The following TOR3A variants were observed in gnomAD, a reference collection of about 807,000 sequenced individuals.
TOR3A encodes torsin-3A.
In TOR3A, 44 loss-of-function variants were observed where a neutral mutation model predicts 42.1. The observed-to-expected ratio is 1.04, with a 90% CI of 0.82 to 1.34. The LOEUF (loss-of-function observed/expected upper bound fraction) is 1.34. TOR3A is among the 40% of genes most tolerant of loss of function. The probability of loss-of-function intolerance (pLI) is 0.00; values close to 1 mark genes in which losing one functional copy is unlikely to be tolerated. For synonymous variants in TOR3A, 227 were observed against 213.2 expected, an observed-to-expected ratio of 1.06 and a Z score of -0.57; for missense variants, 521 against 507.6, an observed-to-expected ratio of 1.03 and a Z score of -0.25.
At chr1:179,093,312 T>C (rs929382135) in intron 4 of TOR3A, among the ~76,000 whole-genome samples, 5 of 152,144 alleles carry the variant, frequency 3.3e-5, no homozygotes, top group Non-Finnish European at 7.3e-5. Context: ...CCCAGTGATA[T>C]CACAACCTGA....
At chr1:179,094,031 G>C in intron 4 of TOR3A, 62 bp from the exon 5 acceptor site, 1 of 1,574,580 alleles carries the variant, frequency 6.4e-7, no homozygotes, top group South Asian at 1.2e-5. Context: ...TTTCAGCGGT[G>C]AGATAACATA....
In TOR3A at chr1:179,085,877, A is replaced by G; in HGVS notation, c.623A>G (p.Tyr208Cys). 1 of 1,613,916 alleles carries G rather than the reference A, an allele frequency of 6.2e-7. No individual in the cohort carries two copies. The highest frequency in any genetic ancestry group is 1.7e-4 in the Middle Eastern group (1 of 6,054). ...ACGTTCCACTTTCCTCACCCCAAAT[A>G]TGTGGACCTGTACAAGGTGAGGCCG... Reference protein sequence around the residue: ...IATFHFPHPKYVDLYKEQLMS... With the variant: ...IATFHFPHPKCVDLYKEQLMS... Residue 208 changes from tyrosine (Y) to cysteine (C), a missense_variant, in exon 3 of 6, where the codon TAT becomes TGT. Tyr to Cys is a radical substitution (Grantham distance 194, BLOSUM62 -2). Coordinates refer to ENST00000367627, the MANE Select transcript of TOR3A (RefSeq NM_022371.4).
chr1:179,083,753 G>A lies in TOR3A; in HGVS notation c.373+700G>A, dbSNP rs1008268625. Among the ~76,000 whole-genome samples the A allele has an allele frequency of 4.6e-5, 7 of 151,992 alleles. 1 individual carries two copies. Among genetic ancestry groups the A allele is most frequent in the Non-Finnish European group, 8.8e-5 (6 of 67,990 alleles). ...GTTTGGGTTGCTTGATTTGCATATC[G>A]CAGTTGATTTGCATTTTCACTCTCA... On this transcript the variant is annotated intron_variant, in intron 2 of 5. Transcript: ENST00000367627.
rs1652304086 is a variant in TOR3A at position 179,082,184 on chromosome 1, G to A, written c.56G>A (p.Gly19Asp). 1.3e-6 allele frequency: 2 copies of A among 1,505,686 alleles called. No individual in the cohort carries two copies. Among genetic ancestry groups the A allele is most frequent in the African/African-American group, 1.4e-5 (1 of 69,020 alleles). The allele number at this position is 1,505,686 out of a possible 1,614,324, so 93.3% of individuals were successfully genotyped here. The change falls in exon 1 of 6, where the codon GGC becomes GAC. Residue 19 changes from glycine to aspartate, a missense_variant. Coordinates refer to ENST00000367627, the MANE Select transcript of TOR3A (RefSeq NM_022371.4). ...CTCTTTTTCCTGCTGCTGCTCCCGG[G>A]CGCGCCTGAGCCCCGCGGCGCCTCC... ...LWLFFLLLLP[G>D]APEPRGASRP...
chr1:179,093,033 G>C (rs1268786499), intron 4 of TOR3A, among the ~76,000 whole-genome samples: 5 of 152,178 alleles, frequency 3.3e-5, no homozygotes, highest in Non-Finnish European at 7.3e-5. Flanking sequence ...GGAAGTGCAA[G>C]TGCATTGATG....
At chr1:179,082,663 GCCTGTGCCATCTCCCAGCCCAC>G (rs1318108783) in intron 1 of TOR3A, 1 of 695,946 alleles carries the variant, frequency 1.4e-6, no homozygotes, top group Non-Finnish European at 2.6e-6. Flanking sequence ...CTCTCGCACC[GCCTGTGCCATCTCCCAGCCCAC>G]CCTGGCGTTA....
At chr1:179,094,325 A>G in intron 5 of TOR3A, 108 bp downstream of exon 5, 1 of 1,374,840 alleles carries the variant, frequency 7.3e-7, no homozygotes, top group Non-Finnish European at 9.7e-7. Context: ...GGGAACACAG[A>G]GGGCAGACTA....
At chr1:179,093,807 G>A (rs72709451) in intron 4 of TOR3A, among the ~76,000 whole-genome samples, 3,410 of 152,262 alleles carry the variant, frequency 0.022, 68 homozygotes, top group Middle Eastern at 0.054. Context: ...AGACCACACA[G>A]AAGAACCATA....
At chr1:179,086,620 C>A (rs1246035712) in intron 3 of TOR3A, among the ~76,000 whole-genome samples, 1 of 147,004 alleles carries the variant, frequency 6.8e-6, no homozygotes, top group Non-Finnish European at 1.5e-5. Flanking sequence ...GAGCCGAGAT[C>A]GTGCCGCTGC....
chr1:179,090,872 T>C (rs1322935169), intron 4 of TOR3A, among the ~76,000 whole-genome samples: 1 of 152,252 alleles, frequency 6.6e-6, no homozygotes, highest in South Asian at 2.1e-4. Flanking sequence ...TTAAAGCCTG[T>C]TTCCTTTGTG....
At chr1:179,083,141 G>A (rs1220793783) in intron 2 of TOR3A, 88 bp downstream of exon 2, 7 of 738,492 alleles carry the variant, frequency 9.5e-6, no homozygotes, top group Admixed American at 3.7e-5. Flanking sequence ...GGGACCTTTC[G>A]TCATCCTGCC....
rs1652720202 is a variant in TOR3A at position 179,095,612 on chromosome 1, A to G, written c.*394A>G. ...TTATGACACTCCAGATGGTCTCCTT[A>G]GCATCTCAGCTCTTCTGCAAGGAAG... is the stretch of plus-strand genomic sequence containing the variant. On this transcript the variant is annotated 3_prime_UTR_variant, in exon 6 of 6. Coordinates refer to ENST00000367627, the MANE Select transcript of TOR3A (RefSeq NM_022371.4). The G allele has an allele frequency of 9.4e-7, 1 of 1,059,008 alleles. No individual in the cohort carries two copies. The highest frequency in any genetic ancestry group is 5.0e-5 in the Admixed American group (1 of 20,180). The allele number at this position is 1,059,008 out of a possible 1,614,324, so 65.6% of individuals were successfully genotyped here. A position where few individuals can be genotyped will look rare whatever the true frequency, so the allele number is the denominator to read the frequency against.
At chr1:179,094,946 G>A in intron 5 of TOR3A, 22 bp from the exon 6 acceptor site, 1 of 1,613,636 alleles carries the variant, frequency 6.2e-7, no homozygotes. Context: ...CAGACTCCAT[G>A]TAACTTTGGT....
Position 179,083,062 on chromosome 1 carries a change from C to T in TOR3A, c.373+9C>T. ...CTCCAACAACTTTACAGGTTGGACC[C>T]CGCATGGCTTCAAGGGGCTAGGGAT... On this transcript the variant is annotated intron_variant, in intron 2 of 5. Transcript: ENST00000367627. 1 of 1,485,122 alleles carries T rather than the reference C, an allele frequency of 6.7e-7. No homozygotes were observed. Among genetic ancestry groups the T allele is most frequent in the Non-Finnish European group, 9.0e-7 (1 of 1,107,298 alleles). 92.0% of individuals were successfully genotyped at this position (1,485,122 alleles called of 1,614,324 possible). A position where few individuals can be genotyped will look rare whatever the true frequency, so the allele number is the denominator to read the frequency against.
chr1:179,091,188 G>A (rs542776405), intron 4 of TOR3A, among the ~76,000 whole-genome samples: 2 of 152,358 alleles, frequency 1.3e-5, no homozygotes, highest in East Asian at 1.9e-4. Context: ...TGGGGTCTTA[G>A]GGATAAGGGC....
At chr1:179,082,759 G>T (rs1365325146) in intron 1 of TOR3A, 181 bp from the exon 2 acceptor site, 2 of 706,066 alleles carry the variant, frequency 2.8e-6, no homozygotes, top group African/African-American at 3.5e-5. Flanking sequence ...GGTGACTGCC[G>T]TCTCCCTTGC....
intron 3 of TOR3A, among the ~76,000 whole-genome samples, chr1:179,086,645 A>C (rs983388312): frequency 6.9e-6 from 1 of 145,622 alleles, no homozygotes; most frequent in Non-Finnish European, 1.5e-5. Flanking sequence ...CAGCCTGGGC[A>C]ACAGAGCAAG....
At chr1:179,088,876 C>A (rs1312784400) in intron 4 of TOR3A, among the ~76,000 whole-genome samples, 2 of 152,222 alleles carry the variant, frequency 1.3e-5, no homozygotes, top group East Asian at 3.9e-4. Context: ...AATTTGAAGG[C>A]TTCACAACAG....
At position 179,086,679 on chromosome 1, in the gene TOR3A, A is replaced by G. The variant is rs920274575; in HGVS notation, c.639+786A>G. On this transcript the variant is annotated intron_variant, in intron 3 of 5. Transcript: ENST00000367627. ...AGACTCCATCTCAAAAAAAAAAAAAAAAAAGAAAACAGGCCTATCCTATCT... is the reference window on the plus strand; with the variant it reads ...AGACTCCATCTCAAAAAAAAAAAAAGAAAAGAAAACAGGCCTATCCTATCT... 5.3e-5 allele frequency among the ~76,000 whole-genome samples: 8 copies of G among 152,128 alleles called. No homozygotes were observed. In the East Asian group the frequency reaches 5.8e-4, roughly 11 times the overall value.
Sources: gnomAD v4.1 joint callset for allele counts (sites outside exome capture counted in the v4.1 genomes callset) on GRCh38, gnomAD v4.1.1 for gene constraint, MANE v1.5 for transcripts, NCBI Gene and HGNC (gene_info 2026-07-23, HGNC 2026-07-21) for gene names.